Variants in PDE7B observed in about 807,000 individuals in gnomAD.
PDE7B encodes phosphodiesterase 7B, also known as 3',5'-cyclic-AMP phosphodiesterase 7B.
Under a neutral mutation model 56.2 loss-of-function variants are expected in PDE7B, and 29 were observed. The ratio of observed to expected loss-of-function variants is 0.52; its 90% CI spans 0.38 to 0.70. The LOEUF (loss-of-function observed/expected upper bound fraction) is 0.70. Ranked by LOEUF, PDE7B falls within the 30% of genes least tolerant of loss-of-function variation. The pLI is 0.00. For synonymous variants in PDE7B, 197 were observed against 196.9 expected (o/e 1.00, Z 0.00); for missense variants, 490 against 565.0 (o/e 0.87, Z 1.35).
At chr6:136,081,572 C>T (rs1777206885) in intron 2 of PDE7B, among the ~76,000 whole-genome samples, 1 of 152,206 alleles carries the variant, frequency 6.6e-6, no homozygotes, top group South Asian at 2.1e-4. Flanking sequence ...AACTGATTCT[C>T]ATTATTCTAG....
intron 3 of PDE7B, among the ~76,000 whole-genome samples, chr6:136,109,910 A>G (rs1489044277): frequency 6.6e-6 from 1 of 152,214 alleles, no homozygotes; most frequent in Non-Finnish European, 1.5e-5. Context: ...TCAAAGTGCT[A>G]GATTATACCC....
chr6:135,899,649 G>T (rs1427059296), intron 1 of PDE7B, among the ~76,000 whole-genome samples: 1 of 151,684 alleles, frequency 6.6e-6, no homozygotes, highest in African/African-American at 2.4e-5. Context: ...TGTATGTGTA[G>T]CTTCCTATAT....
intron 4 of PDE7B, among the ~76,000 whole-genome samples, chr6:136,147,841 A>T (rs891882899): frequency 2.0e-5 from 3 of 152,196 alleles, no homozygotes; most frequent in Non-Finnish European, 4.4e-5. Flanking sequence ...GGAATAACTA[A>T]TTTTTTTAAT....
chr6:136,102,478 T>C (rs1335030952), intron 2 of PDE7B, among the ~76,000 whole-genome samples: 2 of 152,208 alleles, frequency 1.3e-5, no homozygotes, highest in Non-Finnish European at 2.9e-5. Context: ...ACGTGAATGA[T>C]GCGTAATCTT....
chr6:135,898,819 G>A (rs1230153709), intron 1 of PDE7B, among the ~76,000 whole-genome samples: 1 of 151,956 alleles, frequency 6.6e-6, no homozygotes, highest in African/African-American at 2.4e-5. Flanking sequence ...CTTTCCTAGG[G>A]AATAAATGCT....
chr6:136,048,386 GT>G (rs1338887990), intron 2 of PDE7B, among the ~76,000 whole-genome samples: 7 of 152,090 alleles, frequency 4.6e-5, no homozygotes, highest in African/African-American at 1.7e-4. Flanking sequence ...TAGAGGCGTG[GT>G]GGTGGGTGCC....
chr6:136,020,040 G>A (rs1488778014), intron 2 of PDE7B, among the ~76,000 whole-genome samples: 2 of 152,128 alleles, frequency 1.3e-5, no homozygotes, highest in Non-Finnish European at 2.9e-5. Flanking sequence ...TGTTTTTCCT[G>A]TTTTTTCACC....
chr6:136,176,912 TAAG>T (rs964797858), intron 9 of PDE7B, among the ~76,000 whole-genome samples: 29 of 152,314 alleles, frequency 1.9e-4, no homozygotes, highest in African/African-American at 7.0e-4. Flanking sequence ...TCTGCTATAC[TAAG>T]AATATTTAAT....
At chr6:136,125,521 A>G (rs1432469766) in intron 3 of PDE7B, among the ~76,000 whole-genome samples, 1 of 152,068 alleles carries the variant, frequency 6.6e-6, no homozygotes, top group African/African-American at 2.4e-5. Context: ...CTATGATACA[A>G]TTGCTCCAGT....
intron 2 of PDE7B, chr6:136,038,220 G>GCAGCAGCAA (rs1405552321): frequency 1.5e-6 from 2 of 1,299,450 alleles, no homozygotes; most frequent in East Asian, 5.3e-5. Context: ...AGAAACAGCA[G>GCAGCAGCAA]CAGCAGCAAC....
chr6:136,182,009 T>C (rs1418167892), intron 11 of PDE7B, among the ~76,000 whole-genome samples: 1 of 152,202 alleles, frequency 6.6e-6, no homozygotes, highest in Non-Finnish European at 1.5e-5. Context: ...GGTTTCAATG[T>C]GCAGGATGTT....
At position 136,081,719 on chromosome 6, in the gene PDE7B, C is replaced by A. The variant is rs568913931; in HGVS notation, c.83-27012C>A. On this transcript the variant is annotated intron_variant, in intron 2 of 12. Coordinates refer to ENST00000308191, the MANE Select transcript of PDE7B (RefSeq NM_018945.4). ...AATTTTGGCATCAACCTAAATGAGA[C>A]CCTTTCAGTTATTTAGTCAACAGTG... Among the ~76,000 whole-genome samples the A allele has an allele frequency of 3.0e-4, 45 of 152,334 alleles. 1 individual carries two copies. The South Asian group carries it at 8.9e-3, about 30-fold the overall frequency.
intron 8 of PDE7B, among the ~76,000 whole-genome samples, chr6:136,163,345 C>T (rs1221933711): frequency 6.6e-6 from 1 of 152,218 alleles, no homozygotes; most frequent in Non-Finnish European, 1.5e-5. Flanking sequence ...GAAGCAATGG[C>T]CTGAGCTACA....
At chr6:136,106,199 A>C (rs1277350751) in intron 2 of PDE7B, among the ~76,000 whole-genome samples, 2 of 152,240 alleles carry the variant, frequency 1.3e-5, no homozygotes, top group Non-Finnish European at 2.9e-5. Context: ...AGTCTCCTCC[A>C]TGCATCATTT....
intron 2 of PDE7B, among the ~76,000 whole-genome samples, chr6:135,960,058 G>A (rs1323645870): frequency 1.3e-5 from 2 of 152,104 alleles, no homozygotes; most frequent in Non-Finnish European, 2.9e-5. Context: ...GCAAATCTCT[G>A]AATATCTGAA....
chr6:136,105,138 G>A (rs1433391456), intron 2 of PDE7B, among the ~76,000 whole-genome samples: 2 of 152,134 alleles, frequency 1.3e-5, no homozygotes, highest in East Asian at 3.8e-4. Flanking sequence ...TCCAGGACAG[G>A]ATTTGGTTGT....
intron 2 of PDE7B, among the ~76,000 whole-genome samples, chr6:135,977,520 C>T (rs1775207859): frequency 6.6e-6 from 1 of 152,154 alleles, no homozygotes; most frequent in African/African-American, 2.4e-5. Flanking sequence ...TGATCTCCCT[C>T]AAGTCACCAA....
chr6:135,966,376 T>G (rs1452944066), intron 2 of PDE7B, among the ~76,000 whole-genome samples: 1 of 152,200 alleles, frequency 6.6e-6, no homozygotes, highest in Non-Finnish European at 1.5e-5. Flanking sequence ...GAAACTAGTT[T>G]TACTAAAAAA....
intron 8 of PDE7B, among the ~76,000 whole-genome samples, chr6:136,163,962 T>G (rs948181801): frequency 6.6e-6 from 1 of 152,218 alleles, no homozygotes; most frequent in African/African-American, 2.4e-5. Context: ...ACATTTCCTG[T>G]CTTCTTCTGA....
Sources: allele counts gnomAD v4.1 joint callset (sites outside exome capture counted in the v4.1 genomes callset), GRCh38; gene constraint gnomAD v4.1.1; transcripts MANE v1.5; gene names NCBI Gene and HGNC (gene_info 2026-07-23, HGNC 2026-07-21).